The following SLC25A13 variants were observed in gnomAD, a reference collection of about 807,000 sequenced individuals.
SLC25A13 encodes the protein electrogenic aspartate/glutamate antiporter SLC25A13, mitochondrial.
A neutral mutation model predicts 85.5 loss-of-function variants in SLC25A13; 70 were observed. The ratio of observed to expected loss-of-function variants is 0.82; its 90% CI spans 0.68 to 1.00. SLC25A13 has a LOEUF of 1.00. SLC25A13 is among the 50% of genes least tolerant of loss of function. The pLI is 0.00. For missense variants in SLC25A13, 765 were observed against 819.8 expected (o/e 0.93, Z 0.82); for synonymous variants, 259 against 288.7 (o/e 0.90, Z 1.04).
At chr7:96,171,096 A>G (rs1793976788) in intron 12 of SLC25A13, among the ~76,000 whole-genome samples, 1 of 152,218 alleles carries the variant, frequency 6.6e-6, no homozygotes, top group African/African-American at 2.4e-5. Context: ...GAACACAGGT[A>G]TGCTACTTAA....
At chr7:96,182,134 C>T (rs1183795804) in intron 11 of SLC25A13, among the ~76,000 whole-genome samples, 1 of 152,078 alleles carries the variant, frequency 6.6e-6, no homozygotes, top group Non-Finnish European at 1.5e-5. Flanking sequence ...TGATGATGTA[C>T]AAGAAACTAA....
At chr7:96,174,242 C>T (rs1485306565) in intron 11 of SLC25A13, among the ~76,000 whole-genome samples, 1 of 152,294 alleles carries the variant, frequency 6.6e-6, no homozygotes, top group South Asian at 2.1e-4. Flanking sequence ...TATCAAAAGC[C>T]CCCCTAAGCT....
intron 12 of SLC25A13, 93 bp downstream of exon 12, chr7:96,171,378 GA>G (rs1793992029): frequency 8.4e-7 from 1 of 1,189,094 alleles, no homozygotes; most frequent in Non-Finnish European, 1.3e-6. Context: ...GCACCTCTGA[GA>G]AAACAAACCT....
intron 11 of SLC25A13, among the ~76,000 whole-genome samples, chr7:96,182,450 T>C (rs1270111908): frequency 6.6e-6 from 1 of 152,214 alleles, no homozygotes; most frequent in Non-Finnish European, 1.5e-5. Context: ...CAAAGATAAA[T>C]GGCCATTTCT....
chr7:96,313,195 A>C (rs949296891), intron 1 of SLC25A13, among the ~76,000 whole-genome samples: 1 of 152,192 alleles, frequency 6.6e-6, no homozygotes, highest in Admixed American at 6.5e-5. Context: ...AGGAGTGTTA[A>C]GGAGCCAATA....
intron 1 of SLC25A13, among the ~76,000 whole-genome samples, chr7:96,319,005 G>C (rs1250667992): frequency 2.6e-5 from 4 of 152,164 alleles, no homozygotes; most frequent in Non-Finnish European, 5.9e-5. Flanking sequence ...AAAAAGCAAG[G>C]AGCACAGCCT....
intron 3 of SLC25A13, among the ~76,000 whole-genome samples, chr7:96,275,746 G>A (rs1356137092): frequency 3.9e-5 from 6 of 152,104 alleles, no homozygotes; most frequent in Admixed American, 6.6e-5. Flanking sequence ...TGGGGTCGGG[G>A]GAGTGGGGAG....
intron 3 of SLC25A13, among the ~76,000 whole-genome samples, chr7:96,248,152 A>G (rs1343434630): frequency 6.6e-6 from 1 of 152,128 alleles, no homozygotes; most frequent in Non-Finnish European, 1.5e-5. Context: ...AGATGAACCT[A>G]AATTCAGCCT....
chr7:96,191,302 A>G, intron 6 of SLC25A13, 55 bp from the exon 7 acceptor site: 1 of 1,573,680 alleles, frequency 6.4e-7, no homozygotes, highest in Non-Finnish European at 8.7e-7. Flanking sequence ...TTTATAGATG[A>G]TTCAGAAGTA....
chr7:96,223,789 GAAAAAAAAAAA>G lies in SLC25A13; in HGVS notation c.328+11002_328+11012del, dbSNP rs56882933. On this transcript the variant is annotated intron_variant, in intron 4 of 17. Transcript: ENST00000265631. ...GGCAACAGAGCGAGACTCCATCTCTGAAAAAAAAAAAAAAAAAAAAAAAAAAGTAGTATTCA... is the reference window on the plus strand; with the variant it reads ...GGCAACAGAGCGAGACTCCATCTCTGAAAAAAAAAAAAAAAGTAGTATTCA... 1.6e-3 allele frequency among the ~76,000 whole-genome samples: 148 copies of G among 94,188 alleles called. 2 individuals carry two copies. The highest frequency in any genetic ancestry group is 1.5e-3 in the South Asian group (5 of 3,448). 61.8% of individuals were successfully genotyped at this position (94,188 alleles called of 152,430 possible).
Position 96,120,459 on chromosome 7 carries a change from G to A in SLC25A13, c.*732C>T. The A allele has an allele frequency of 2.2e-6, 1 of 454,410 alleles. No homozygotes were observed. The highest frequency in any genetic ancestry group is 4.4e-6 in the Non-Finnish European group (1 of 226,780). The allele number at this position is 454,410 out of a possible 1,614,324, so 28.1% of individuals were successfully genotyped here. On this transcript the variant is annotated 3_prime_UTR_variant, in exon 18 of 18. Coordinates refer to ENST00000265631, the MANE Select transcript of SLC25A13 (RefSeq NM_014251.3). ...TTAAAATAGGCAGTAATCAGTACAT[G>A]TACATCATATGAGCAGTTTTTCAAA...
At chr7:96,178,637 G>A (rs558090537) in intron 11 of SLC25A13, among the ~76,000 whole-genome samples, 1 of 151,884 alleles carries the variant, frequency 6.6e-6, no homozygotes, top group South Asian at 2.1e-4. Flanking sequence ...TATCTTCCCC[G>A]AGAAACCCCT....
chr7:96,274,359 G>GT (rs899684418), intron 3 of SLC25A13, among the ~76,000 whole-genome samples: 25 of 152,200 alleles, frequency 1.6e-4, no homozygotes, highest in African/African-American at 6.0e-4. Flanking sequence ...GGCGCTGTTT[G>GT]TTTTTTTCTT....
At chr7:96,293,440 A>C (rs1020503403) in intron 2 of SLC25A13, among the ~76,000 whole-genome samples, 1 of 152,220 alleles carries the variant, frequency 6.6e-6, no homozygotes, top group Non-Finnish European at 1.5e-5. Flanking sequence ...GGATCTAATC[A>C]AACTAAAGAG....
At chr7:96,131,637 C>G in intron 15 of SLC25A13, 106 bp downstream of exon 15, 1 of 1,444,790 alleles carries the variant, frequency 6.9e-7, no homozygotes, top group Non-Finnish European at 9.7e-7. Context: ...TCACACATAC[C>G]CTGTCAAGAA....
intron 13 of SLC25A13, among the ~76,000 whole-genome samples, chr7:96,159,260 T>C (rs565394320): frequency 1.3e-5 from 2 of 152,178 alleles, no homozygotes; most frequent in African/African-American, 4.8e-5. Context: ...TCTTAAACCC[T>C]AGCATTAGGG....
chr7:96,255,188 G>A (rs1292441269), intron 3 of SLC25A13, among the ~76,000 whole-genome samples: 1 of 152,160 alleles, frequency 6.6e-6, no homozygotes, highest in African/African-American at 2.4e-5. Context: ...CTAATTGTTG[G>A]CAGCAATAAA....
intron 4 of SLC25A13, among the ~76,000 whole-genome samples, chr7:96,220,257 G>A (rs1031544082): frequency 6.6e-6 from 1 of 152,182 alleles, no homozygotes; most frequent in Non-Finnish European, 1.5e-5. Flanking sequence ...TTCCTTAGAC[G>A]GATATTATCG....
chr7:96,318,298 C>T (rs1391807106), intron 1 of SLC25A13, among the ~76,000 whole-genome samples: 2 of 152,088 alleles, frequency 1.3e-5, no homozygotes, highest in East Asian at 1.9e-4. Flanking sequence ...TAACCAATGA[C>T]GAAGAAGAAA....
Sources: gnomAD v4.1 joint callset for allele counts (sites outside exome capture counted in the v4.1 genomes callset) on GRCh38, gnomAD v4.1.1 for gene constraint, MANE v1.5 for transcripts, NCBI Gene and HGNC (gene_info 2026-07-23, HGNC 2026-07-21) for gene names.